The following ZNF106 variants were observed in gnomAD, a reference collection of about 807,000 sequenced individuals.
The protein encoded by ZNF106 is SH3-domain binding protein 3.
In ZNF106, 67 loss-of-function variants were observed where a neutral mutation model predicts 195.1. That is an observed-to-expected ratio of 0.34 (90% CI 0.28 to 0.42). The LOEUF (loss-of-function observed/expected upper bound fraction) is 0.42, where lower values mean the gene tolerates loss of function less well. ZNF106 is among the 10% of genes least tolerant of loss of function. The pLI, the probability that ZNF106 is intolerant of heterozygous loss-of-function variation, is 1.00. For missense variants in ZNF106, 2,118 were observed against 2,304.5 expected (o/e 0.92, Z 1.66); for synonymous variants, 784 against 818.6 (o/e 0.96, Z 0.72).
At position 42,432,029 on chromosome 15, in the gene ZNF106, G is replaced by A. The variant is rs570445277; in HGVS notation, c.4881+3355C>T. 7.9e-5 allele frequency among the ~76,000 whole-genome samples: 12 copies of A among 152,294 alleles called. No individual in the cohort carries two copies. The South Asian group carries it at 2.3e-3, about 29-fold the overall frequency. On this transcript the variant is annotated intron_variant, in intron 14 of 21. Coordinates refer to ENST00000564754, the MANE Select transcript of ZNF106 (RefSeq NM_001366845.3). ...ACTGTGAATTTGTCTACTCCTTTCAGTTCTATCAGTTATTGTTTCACGTAT... is the reference window on the plus strand; with the variant it reads ...ACTGTGAATTTGTCTACTCCTTTCAATTCTATCAGTTATTGTTTCACGTAT...
At chr15:42,457,232 T>G in intron 3 of ZNF106, 74 bp from the exon 4 acceptor site, 1 of 1,610,112 alleles carries the variant, frequency 6.2e-7, no homozygotes, top group South Asian at 1.1e-5. Flanking sequence ...CTGTTATTGT[T>G]TCCTCTGAAG....
intron 14 of ZNF106, among the ~76,000 whole-genome samples, chr15:42,434,197 C>G (rs1031177762): frequency 1.3e-5 from 2 of 152,052 alleles, no homozygotes; most frequent in African/African-American, 2.4e-5. Flanking sequence ...ATCAGAAACT[C>G]TGGCAAGGGC....
intron 9 of ZNF106, among the ~76,000 whole-genome samples, chr15:42,442,814 C>T (rs2055606751): frequency 6.6e-6 from 1 of 151,486 alleles, no homozygotes; most frequent in African/African-American, 2.4e-5. Flanking sequence ...GACAGAGTCT[C>T]ACTCTGTCAC....
chr15:42,439,605 A>C lies in ZNF106; in HGVS notation c.3972T>G (p.Asn1324Lys). ...AACTGGTACAGGCTTCAGACCCACT[A>C]TTGCCTTTGGTTGGCTCTTCCCCTT... is the stretch of plus-strand genomic sequence containing the variant. ...NKEGEEPTKG[N>K]SGSEACTSSF... is the part of the protein sequence containing the mutation. Residue 1324 changes from asparagine to lysine, a missense_variant, in exon 11 of 22, where the codon AAT (asparagine) becomes AAG (lysine). Asn to Lys is a moderately conservative substitution (Grantham distance 94). Coordinates refer to ENST00000564754, the MANE Select transcript of ZNF106 (RefSeq NM_001366845.3). 1 of 1,614,028 alleles carries C rather than the reference A, an allele frequency of 6.2e-7. No individual in the cohort carries two copies.
rs34983340 is a variant in ZNF106 at position 42,442,283 on chromosome 15, G to T, written c.3553C>A (p.Pro1185Thr). ...GATGGAGACACATGGGAAGATGGAG[G>T]CTCCAGAAAAAGTGGGAAAAAGGGA... ...PTPFFPLFLE[P>T]PSSHVSPSPT... is the part of the protein sequence containing the mutation. The change falls in exon 10 of 22, where the codon CCT becomes ACT. Residue 1185 changes from proline (P) to threonine (T), a missense_variant. Physicochemically the swap from Pro to Thr is conservative, Grantham distance 38. Coordinates refer to ENST00000564754, the MANE Select transcript of ZNF106 (RefSeq NM_001366845.3). 2.2e-3 allele frequency: 3,614 copies of T among 1,614,108 alleles called. 43 individuals are homozygous for T. In the African/African-American group the frequency reaches 0.032, roughly 14 times the overall value.
At position 42,451,133 on chromosome 15, in the gene ZNF106, G is replaced by T; in HGVS notation, c.1139C>A (p.Thr380Asn). The T allele has an allele frequency of 6.2e-7, 1 of 1,614,198 alleles. No homozygotes were observed. The highest frequency in any genetic ancestry group is 8.5e-7 in the Non-Finnish European group (1 of 1,180,042). ...RRWTPYPSQKTLDLQSGLKDI... is the reference protein window; with the variant it reads ...RRWTPYPSQKNLDLQSGLKDI... ...TTTCAATCCCGACTGTAAATCCAGAGTCTTCTGAGAAGGGTAAGGCGTCCA... is the reference window on the plus strand; with the variant it reads ...TTTCAATCCCGACTGTAAATCCAGATTCTTCTGAGAAGGGTAAGGCGTCCA... Residue 380 changes from threonine to asparagine, a missense_variant, in exon 5 of 22, where the codon ACT becomes AAT. Transcript: ENST00000564754.
intron 19 of ZNF106, 123 bp downstream of exon 19, chr15:42,421,794 C>T (rs2054666451): frequency 3.0e-6 from 2 of 668,860 alleles, no homozygotes; most frequent in Non-Finnish European, 4.7e-6. Context: ...CCTATTATGC[C>T]AAGAGATGGG....
At chr15:42,463,423 G>A (rs1595482904) in intron 3 of ZNF106, among the ~76,000 whole-genome samples, 1 of 152,260 alleles carries the variant, frequency 6.6e-6, no homozygotes, top group African/African-American at 2.4e-5. Context: ...TGGCCATGCA[G>A]AGTGGCTCAT....
intron 10 of ZNF106, chr15:42,441,756 G>C (rs2055543769): frequency 5.1e-6 from 1 of 196,340 alleles, no homozygotes; most frequent in Non-Finnish European, 1.0e-5. Flanking sequence ...AAAATTGGCT[G>C]AATTAACTTC....
Position 42,448,250 on chromosome 15 carries a change from G to A in ZNF106, c.2957C>T (p.Pro986Leu), listed in dbSNP as rs781286380. Residue 986 changes from proline to leucine, a missense_variant, in exon 6 of 22, where the codon CCA (proline) becomes CTA (leucine). Physicochemically the swap from Pro to Leu is moderately conservative, Grantham distance 98. Transcript: ENST00000564754. The stretch of plus-strand genomic sequence containing the variant: ...CTGGGAATTCTGATTCTCTGACGGT[G>A]GTATAGACCTCTCCTGGCTGTTCAA... ...KDLNSQERSI[P>L]PSENQNSQES... 2 of 1,614,154 alleles carry A rather than the reference G, an allele frequency of 1.2e-6. No homozygotes were observed. The highest frequency in any genetic ancestry group is 1.7e-6 in the Non-Finnish European group (2 of 1,180,014).
At chr15:42,448,983 T>C (rs1050749684) in intron 5 of ZNF106, among the ~76,000 whole-genome samples, 5 of 150,980 alleles carry the variant, frequency 3.3e-5, no homozygotes, top group Non-Finnish European at 5.9e-5. Context: ...TAATAATACA[T>C]ACAGCATATA....
chr15:42,419,370 A>G (rs1215167012), intron 20 of ZNF106, among the ~76,000 whole-genome samples: 1 of 151,824 alleles, frequency 6.6e-6, no homozygotes, highest in African/African-American at 2.4e-5. Flanking sequence ...GAAAAAAAAT[A>G]AATAATAAAA....
Position 42,457,071 on chromosome 15 carries a change from T to C in ZNF106, c.204A>G (p.Lys68=). ...YAKHISGQLH[K]DNVDAQERED... ...CTCTTTCCTGGGCATCAACGTTATC[T>C]TTGTGCAACTGGCCAGAAATGTGCT... The change falls in exon 4 of 22, where the codon AAA becomes AAG. Residue 68 remains lysine (K), a synonymous_variant. Coordinates refer to ENST00000564754, the MANE Select transcript of ZNF106 (RefSeq NM_001366845.3). The C allele has an allele frequency of 6.2e-7, 1 of 1,612,908 alleles. No homozygotes were observed. The highest frequency in any genetic ancestry group is 8.5e-7 in the Non-Finnish European group (1 of 1,179,336).
At chr15:42,455,263 G>A (rs2056188323) in intron 4 of ZNF106, among the ~76,000 whole-genome samples, 1 of 152,134 alleles carries the variant, frequency 6.6e-6, no homozygotes, top group African/African-American at 2.4e-5. Flanking sequence ...GAATATTTTT[G>A]CATATACATA....
chr15:42,478,520 T>C (rs1182892389), intron 1 of ZNF106, among the ~76,000 whole-genome samples: 126 of 134,370 alleles, frequency 9.4e-4, no homozygotes, highest in African/African-American at 3.8e-3. Context: ...TTCTTTTTTT[T>C]TTTTTTTTTT....
chr15:42,457,305 A>G, intron 3 of ZNF106, 147 bp from the exon 4 acceptor site: 1 of 1,508,980 alleles, frequency 6.6e-7, no homozygotes, highest in Non-Finnish European at 8.8e-7. Flanking sequence ...TCCTTTCATC[A>G]CTTTTAATAA....
At position 42,414,386 on chromosome 15, in the gene ZNF106, A is replaced by C. The variant is rs1257620855; in HGVS notation, c.*2918T>G. On this transcript the variant is annotated 3_prime_UTR_variant, in exon 22 of 22. Coordinates refer to ENST00000564754, the MANE Select transcript of ZNF106 (RefSeq NM_001366845.3). ...AACCGTTCATTTGGGGTAACACACTAATCTGGTGTTAAAAGAATTTCATGT... is the reference window on the plus strand; with the variant it reads ...AACCGTTCATTTGGGGTAACACACTCATCTGGTGTTAAAAGAATTTCATGT... The C allele has an allele frequency of 6.6e-6, 1 of 152,258 alleles. No homozygotes were observed. The highest frequency in any genetic ancestry group is 1.9e-4 in the East Asian group (1 of 5,200). 9.4% of individuals were successfully genotyped at this position (152,258 alleles called of 1,614,324 possible).
At chr15:42,444,543 G>GC (rs1424002316) in intron 8 of ZNF106, among the ~76,000 whole-genome samples, 1 of 151,890 alleles carries the variant, frequency 6.6e-6, no homozygotes, top group Non-Finnish European at 1.5e-5. Context: ...TCCACATCCC[G>GC]CCCCCTGGCT....
chr15:42,460,659 A>G (rs1453031402), intron 3 of ZNF106, among the ~76,000 whole-genome samples: 1 of 152,280 alleles, frequency 6.6e-6, no homozygotes, highest in East Asian at 1.9e-4. Context: ...TCAGGAGTTC[A>G]AGACCAGCCT....
Sources: gnomAD v4.1 joint callset for allele counts (sites outside exome capture counted in the v4.1 genomes callset) on GRCh38, gnomAD v4.1.1 for gene constraint, MANE v1.5 for transcripts, NCBI Gene and HGNC (gene_info 2026-07-23, HGNC 2026-07-21) for gene names.